Variants in FLT3 observed in about 807,000 individuals in gnomAD.
FLT3 encodes the protein fms related receptor tyrosine kinase 3.
FLT3 carries 46 observed loss-of-function variants against 126.6 expected under a neutral mutation model. That is an observed-to-expected ratio of 0.36 (90% confidence interval 0.29 to 0.46). The LOEUF is 0.46. Among genes scored for constraint, FLT3 ranks in the 20% least tolerant of loss-of-function variants. The pLI is 1.00. For synonymous variants in FLT3, 404 were observed against 434.4 expected (o/e 0.93, Z 0.87); for missense variants, 1,069 against 1,190.3 (o/e 0.90, Z 1.50).
intron 8 of FLT3, among the ~76,000 whole-genome samples, chr13:28,048,989 C>T (rs2137726044): frequency 6.6e-6 from 1 of 152,324 alleles, no homozygotes. Context: ...TCTCTCAGTG[C>T]TCACTGCCCT....
chr13:28,042,188 T>TAAA (rs373795632), intron 9 of FLT3, among the ~76,000 whole-genome samples: 7,191 of 136,504 alleles, frequency 0.053, 235 homozygotes, highest in South Asian at 0.088. Context: ...ATAATAATAA[T>TAAA]AAATAAAAAT....
At position 28,023,410 on chromosome 13, in the gene FLT3, T is replaced by A; in HGVS notation, c.2358A>T (p.Glu786Asp). ...CTTGATATGCAAAGCAAAGAAGATC[T>A]TCAAATGTAAGCACATTCAAGTCCT... is the stretch of plus-strand genomic sequence containing the variant. ...EEEDLNVLTFEDLLCFAYQVA... is the reference protein window; with the variant it reads ...EEEDLNVLTFDDLLCFAYQVA... Residue 786 changes from glutamate to aspartate, a missense_variant, in exon 19 of 24, where the codon GAA becomes GAT. Transcript: ENST00000241453. 1 of 1,613,910 alleles carries A rather than the reference T, an allele frequency of 6.2e-7. No individual in the cohort carries two copies. The highest frequency in any genetic ancestry group is 1.1e-5 in the South Asian group (1 of 91,052).
At chr13:28,057,278 G>T (rs2137755441) in intron 4 of FLT3, 69 bp downstream of exon 4, 1 of 787,462 alleles carries the variant, frequency 1.3e-6, no homozygotes, top group Non-Finnish European at 2.3e-6. Flanking sequence ...CAAGCTAACG[G>T]GTTCTAAACC....
Position 28,098,314 on chromosome 13 carries a change from C to CAAAAAAAAAA in FLT3, c.43+2144_43+2153dup, listed in dbSNP as rs55675449. Among the ~76,000 whole-genome samples the CAAAAAAAAAA allele has an allele frequency of 4.6e-3, 388 of 85,252 alleles. 11 individuals carry two copies. The highest frequency in any genetic ancestry group is 0.014 in the African/African-American group (369 of 25,558). The allele number at this position is 85,252 out of a possible 152,430, so 55.9% of individuals were successfully genotyped here. ...TGGGTGACAGAGCAAGACTCCGTCT[C>CAAAAAAAAAA]AAAAAAAAAAAAAAAAAAAAAAGTA... On this transcript the variant is annotated intron_variant, in intron 1 of 23. Transcript: ENST00000241453.
intron 22 of FLT3, among the ~76,000 whole-genome samples, chr13:28,014,873 A>T (rs914472565): frequency 5.9e-5 from 9 of 152,154 alleles, no homozygotes; most frequent in Non-Finnish European, 1.3e-4. Context: ...AGAAACTCCC[A>T]AAACAAAGAG....
chr13:28,089,743 T>C (rs1240849968), intron 1 of FLT3, among the ~76,000 whole-genome samples: 2 of 151,570 alleles, frequency 1.3e-5, no homozygotes, highest in Non-Finnish European at 2.9e-5. Context: ...GGGAACTTTT[T>C]TTTTTTTTTG....
chr13:28,065,467 C>A (rs1466564597), intron 2 of FLT3, among the ~76,000 whole-genome samples: 13 of 151,784 alleles, frequency 8.6e-5, no homozygotes, highest in African/African-American at 2.4e-4. Flanking sequence ...CAAAATGAGA[C>A]CCCATCTCTA....
At chr13:28,012,256 A>G (rs1363923553) in intron 23 of FLT3, among the ~76,000 whole-genome samples, 4 of 152,158 alleles carry the variant, frequency 2.6e-5, no homozygotes, top group African/African-American at 7.2e-5. Flanking sequence ...TTAATCATGC[A>G]TGGATATGTT....
At chr13:28,089,030 G>A (rs535294269) in intron 1 of FLT3, among the ~76,000 whole-genome samples, 3 of 152,240 alleles carry the variant, frequency 2.0e-5, no homozygotes, top group African/African-American at 7.2e-5. Flanking sequence ...TTTTAAAAAT[G>A]GGCAAAAGAT....
intron 3 of FLT3, 40 bp downstream of exon 3, chr13:28,061,827 T>G (rs1222840783): frequency 6.6e-7 from 1 of 1,511,978 alleles, no homozygotes. Flanking sequence ...AAATTCCAAA[T>G]GAACCACATT....
rs773388114 is a variant in FLT3 at position 28,037,131 on chromosome 13, T to C, written c.1309+54A>G. The C allele has an allele frequency of 2.8e-6, 3 of 1,082,012 alleles. No individual in the cohort carries two copies. The African/African-American group carries it at 4.7e-5, about 17-fold the overall frequency. 67.0% of individuals were successfully genotyped at this position (1,082,012 alleles called of 1,614,324 possible). ...CTTAACTTTTCCTAGTTAAGACTAA[T>C]AAAAAATTAAGGAATTAAAAAATAA... On this transcript the variant is annotated intron_variant, in intron 10 of 23. Transcript: ENST00000241453.
chr13:28,041,747 A>G (rs1441361894), intron 9 of FLT3, among the ~76,000 whole-genome samples: 3 of 152,208 alleles, frequency 2.0e-5, no homozygotes, highest in African/African-American at 7.2e-5. Flanking sequence ...TCTTTCGCCT[A>G]GGGGTTTTCT....
intron 5 of FLT3, among the ~76,000 whole-genome samples, chr13:28,051,535 C>T (rs1342201046): frequency 2.4e-4 from 35 of 143,900 alleles, no homozygotes; most frequent in African/African-American, 9.1e-4. Flanking sequence ...CTGTGCCCAG[C>T]CTATAATTTC....
chr13:28,039,633 C>T (rs1268705462), intron 9 of FLT3, among the ~76,000 whole-genome samples: 2 of 149,952 alleles, frequency 1.3e-5, no homozygotes, highest in Non-Finnish European at 1.5e-5. Context: ...ACTGCAACCT[C>T]TGCCTCCTGG....
intron 4 of FLT3, among the ~76,000 whole-genome samples, chr13:28,055,460 T>G (rs1278479706): frequency 6.6e-6 from 1 of 152,232 alleles, no homozygotes; most frequent in African/African-American, 2.4e-5. Context: ...ATTTCCTTAA[T>G]TTAGACGTTA....
In FLT3 at chr13:28,034,139, A is replaced by C. The variant is rs1057520021; in HGVS notation, c.1780T>G (p.Phe594Val). The C allele has an allele frequency of 1.2e-6, 2 of 1,614,094 alleles. No homozygotes were observed. Among genetic ancestry groups the C allele is most frequent in the Admixed American group, 1.7e-5 (1 of 60,020 alleles). The change falls in exon 14 of 24, where the codon TTC becomes GTC. Residue 594 changes from phenylalanine to valine, a missense_variant. Transcript: ENST00000241453. ...SSDNEYFYVD[F>V]REYEYDLKWE... is the part of the protein sequence containing the mutation. ...TTGAGATCATATTCATATTCTCTGA[A>C]ATCAACGTAGAAGTACTCATTATCT...
chr13:28,070,154 G>T (rs1877377309), intron 2 of FLT3, among the ~76,000 whole-genome samples: 2 of 152,118 alleles, frequency 1.3e-5, no homozygotes, highest in African/African-American at 4.8e-5. Context: ...CAAATACCAA[G>T]CCATTTTATA....
chr13:28,098,314 C>CAAAAAAAAAAAA lies in FLT3; in HGVS notation c.43+2142_43+2153dup, dbSNP rs55675449. 5.5e-4 allele frequency among the ~76,000 whole-genome samples: 47 copies of CAAAAAAAAAAAA among 85,280 alleles called. 1 individual carries two copies. The highest frequency in any genetic ancestry group is 1.8e-3 in the African/African-American group (46 of 25,586). 55.9% of individuals were successfully genotyped at this position (85,280 alleles called of 152,430 possible). A position where few individuals can be genotyped will look rare whatever the true frequency, so the allele number is the denominator to read the frequency against. On this transcript the variant is annotated intron_variant, in intron 1 of 23. Transcript: ENST00000241453. ...TGGGTGACAGAGCAAGACTCCGTCT[C>CAAAAAAAAAAAA]AAAAAAAAAAAAAAAAAAAAAAGTA...
chr13:28,066,529 C>T (rs950037261), intron 2 of FLT3, among the ~76,000 whole-genome samples: 1 of 152,128 alleles, frequency 6.6e-6, no homozygotes, highest in Admixed American at 6.5e-5. Context: ...TGAAAGGACA[C>T]AGGAGCAAAA....
Sources: allele counts gnomAD v4.1 joint callset (sites outside exome capture counted in the v4.1 genomes callset), GRCh38; gene constraint gnomAD v4.1.1; transcripts MANE v1.5; gene names NCBI Gene and HGNC (gene_info 2026-07-23, HGNC 2026-07-21).